The following PCDHA2 variants were observed in gnomAD, a reference collection of about 807,000 sequenced individuals.
PCDHA2 encodes protocadherin alpha-2.
PCDHA2 carries 58 observed loss-of-function variants against 66.0 expected under a neutral mutation model. The observed-to-expected ratio is 0.88, with a 90% CI of 0.71 to 1.09. PCDHA2 has a LOEUF of 1.09. Among genes scored for constraint, PCDHA2 ranks in the 50% least tolerant of loss-of-function variants. The pLI is 0.00. For synonymous variants in PCDHA2, 634 were observed against 554.0 expected, an observed-to-expected ratio of 1.14 and a Z score of -2.03; for missense variants, 1,267 against 1,242.3, an observed-to-expected ratio of 1.02 and a Z score of -0.30.
At chr5:140,979,244 T>C (rs1214932523) in intron 2 of PCDHA2, among the ~76,000 whole-genome samples, 1 of 152,224 alleles carries the variant, frequency 6.6e-6, no homozygotes, top group African/African-American at 2.4e-5. Context: ...AGAAACAGGC[T>C]GCTATGTATT....
At chr5:140,855,486 GTC>G (rs2150336982) in intron 1 of PCDHA2, among the ~76,000 whole-genome samples, 1 of 149,948 alleles carries the variant, frequency 6.7e-6, no homozygotes, top group South Asian at 2.1e-4. Context: ...TGACATTAGT[GTC>G]TAAATAAACC....
At position 140,796,302 on chromosome 5, in the gene PCDHA2, C is replaced by A. The variant is rs782602329; in HGVS notation, c.1338C>A (p.Ala446=). The change falls in exon 1 of 4, where the codon GCC becomes GCA. Residue 446 remains alanine (A), a synonymous_variant. Transcript: ENST00000526136. ...CCACCAGCGTGTCCATCGAGGTGGC[C>A]GACGTGAACGACAACGCGCCGGCGT... ...WATTSVSIEV[A]DVNDNAPAFA... 1 of 1,614,146 alleles carries A rather than the reference C, an allele frequency of 6.2e-7. No homozygotes were observed. The highest frequency in any genetic ancestry group is 1.7e-5 in the Admixed American group (1 of 60,032).
chr5:140,913,082 C>G (rs2076197049), intron 1 of PCDHA2, among the ~76,000 whole-genome samples: 1 of 152,108 alleles, frequency 6.6e-6, no homozygotes, highest in African/African-American at 2.4e-5. Context: ...TGTTTGGTAT[C>G]AGGATAATAC....
chr5:140,877,081 G>T (rs201590988), intron 1 of PCDHA2: 2 of 1,613,120 alleles, frequency 1.2e-6, no homozygotes, highest in Non-Finnish European at 1.7e-6. Flanking sequence ...CCAGGTGAGC[G>T]CGCGCGACGC....
At chr5:140,800,063 T>A (rs549802801) in intron 1 of PCDHA2, among the ~76,000 whole-genome samples, 15 of 152,220 alleles carry the variant, frequency 9.9e-5, no homozygotes, top group Middle Eastern at 6.8e-3. Flanking sequence ...TAACAACTTT[T>A]AAAAAAACTG....
rs1554150162 is a variant in PCDHA2 at position 140,857,521 on chromosome 5, C to T, written c.2388+60169C>T. 5 of 1,598,106 alleles carry T rather than the reference C, an allele frequency of 3.1e-6. 1 individual carries two copies. In the South Asian group the frequency reaches 4.4e-5, roughly 14 times the overall value. On this transcript the variant is annotated intron_variant, in intron 1 of 3. Coordinates refer to ENST00000526136, the MANE Select transcript of PCDHA2 (RefSeq NM_018905.3). Reference sequence around the variant, plus strand: ...CGCAGGAGAACGCCCTGGTGTCCTACTCTCTGGTGGAGCGGCGGTTGGGCG... The same window carrying T: ...CGCAGGAGAACGCCCTGGTGTCCTATTCTCTGGTGGAGCGGCGGTTGGGCG...
chr5:140,809,587 TC>T lies in PCDHA2; in HGVS notation c.2388+12237del, dbSNP rs782699419. The T allele has an allele frequency of 5.2e-6, 8 of 1,541,010 alleles. No homozygotes were observed. The African/African-American group carries it at 1.1e-4, about 21-fold the overall frequency. ...CCTTTGCAAAGGTTAGTGTATAACA[TC>T]CTTTTGTTTAATTTTCGTATTGTTT... On this transcript the variant is annotated intron_variant, in intron 1 of 3. Coordinates refer to ENST00000526136, the MANE Select transcript of PCDHA2 (RefSeq NM_018905.3).
Position 140,795,512 on chromosome 5 carries a change from A to G in PCDHA2, c.548A>G (p.Gln183Arg). ...AGTGAGTTTTTCTTCCTAGATATAC[A>G]GGCAAATGATGAACTAAGCGAATCT... ...SSSEFFFLDI[Q>R]ANDELSESLS... Residue 183 changes from glutamine (Q) to arginine (R), a missense_variant, in exon 1 of 4, where the codon CAG becomes CGG. Physicochemically the swap from Gln to Arg is conservative, Grantham distance 43 (BLOSUM62 1). Coordinates refer to ENST00000526136, the MANE Select transcript of PCDHA2 (RefSeq NM_018905.3). 1.2e-6 allele frequency: 2 copies of G among 1,614,212 alleles called. No homozygotes were observed. The highest frequency in any genetic ancestry group is 2.2e-5 in the East Asian group (1 of 44,880).
chr5:140,890,128 G>T (rs1402157838), intron 1 of PCDHA2, among the ~76,000 whole-genome samples: 2 of 152,156 alleles, frequency 1.3e-5, no homozygotes, highest in East Asian at 3.9e-4. Context: ...CACTTTGGTA[G>T]CTTGAAATTG....
intron 1 of PCDHA2, among the ~76,000 whole-genome samples, chr5:140,840,806 T>C (rs2150309377): frequency 1.9e-4 from 29 of 152,226 alleles, no homozygotes; most frequent in Non-Finnish European, 3.5e-4. Flanking sequence ...GAGTAATATA[T>C]ACCAGTGTTT....
chr5:140,915,517 G>T (rs982535213), intron 1 of PCDHA2, among the ~76,000 whole-genome samples: 17 of 152,066 alleles, frequency 1.1e-4, no homozygotes, highest in African/African-American at 4.1e-4. Flanking sequence ...TTGCAGACTA[G>T]TAGAGGTACC....
chr5:141,006,405 C>T (rs782532612), intron 3 of PCDHA2, among the ~76,000 whole-genome samples: 28 of 151,916 alleles, frequency 1.8e-4, no homozygotes, highest in Middle Eastern at 6.8e-3. Context: ...AGTAGAGACG[C>T]GGTTTCACTG....
intron 1 of PCDHA2, chr5:140,968,952 T>C: frequency 1.2e-6 from 2 of 1,614,192 alleles, no homozygotes; most frequent in Non-Finnish European, 1.7e-6. Context: ...TTGAGCATCA[T>C]CAAGTGCTAC....
In PCDHA2 at chr5:140,795,922, G is replaced by T; in HGVS notation, c.958G>T (p.Val320Phe). ...YEEAKSYEIQ[V>F]TATDKGTPSM... Reference sequence around the variant, plus strand: ...AGAAGCAAAGTCCTACGAGATTCAGGTCACTGCAACTGACAAAGGAACCCC... The same window carrying T: ...AGAAGCAAAGTCCTACGAGATTCAGTTCACTGCAACTGACAAAGGAACCCC... The change falls in exon 1 of 4, where the codon GTC becomes TTC. Residue 320 changes from valine (V) to phenylalanine (F), a missense_variant. Val to Phe is a conservative substitution (Grantham distance 50). Coordinates refer to ENST00000526136, the MANE Select transcript of PCDHA2 (RefSeq NM_018905.3). 1 of 1,613,924 alleles carries T rather than the reference G, an allele frequency of 6.2e-7. No individual in the cohort carries two copies. The highest frequency in any genetic ancestry group is 8.5e-7 in the Non-Finnish European group (1 of 1,179,922).
chr5:140,835,085 C>T (rs2150230592), intron 1 of PCDHA2: 2 of 1,227,056 alleles, frequency 1.6e-6, no homozygotes, highest in Admixed American at 2.4e-5. Context: ...CGGTACTGGA[C>T]AACAATGACA....
rs1351628380 is a variant in PCDHA2, at chr5:140,928,607, G to A, written c.2389-50342G>A. ...TCTGTCCCAGTGGAAATTGTGCCCC[G>A]CTCTGCCAGGACTGGACACTTGGTC... On this transcript the variant is annotated intron_variant, in intron 1 of 3. Coordinates refer to ENST00000526136, the MANE Select transcript of PCDHA2 (RefSeq NM_018905.3). 3.1e-6 allele frequency: 5 copies of A among 1,614,068 alleles called. No homozygotes were observed. In the South Asian group the frequency reaches 3.3e-5, roughly 11 times the overall value.
Position 140,882,752 on chromosome 5 carries a change from A to G in PCDHA2, c.2388+85400A>G, listed in dbSNP as rs1457424583. 4 of 1,614,130 alleles carry G rather than the reference A, an allele frequency of 2.5e-6. No individual in the cohort carries two copies. In the East Asian group the frequency reaches 8.9e-5, roughly 36 times the overall value. On this transcript the variant is annotated intron_variant, in intron 1 of 3. Coordinates refer to ENST00000526136, the MANE Select transcript of PCDHA2 (RefSeq NM_018905.3). Reference sequence around the variant, plus strand: ...ACTAGATGGCGCATCCGATGCAGATATTGGAGTAAACTCGGCATTGACCTA... The same window carrying G: ...ACTAGATGGCGCATCCGATGCAGATGTTGGAGTAAACTCGGCATTGACCTA...
chr5:141,002,918 GAACACCCTCC>G (rs1554258833), intron 3 of PCDHA2, among the ~76,000 whole-genome samples: 1 of 152,192 alleles, frequency 6.6e-6, no homozygotes, highest in Non-Finnish European at 1.5e-5. Flanking sequence ...TCAGAAAAGT[GAACACCCTCC>G]AACACCCTCC....
In PCDHA2 at chr5:140,843,362, A is replaced by C. The variant is rs2150191261; in HGVS notation, c.2388+46010A>C. On this transcript the variant is annotated intron_variant, in intron 1 of 3. Transcript: ENST00000526136. ...CGGCCAGGCTCCAAAAGCGTCATCG[A>C]GGCAGTCGGCTGGCGTTTTGGGTCC... 3 of 1,595,998 alleles carry C rather than the reference A, an allele frequency of 1.9e-6. No homozygotes were observed. The East Asian group carries it at 6.7e-5, about 36-fold the overall frequency.
Sources: gnomAD v4.1 joint callset for allele counts (sites outside exome capture counted in the v4.1 genomes callset) on GRCh38, gnomAD v4.1.1 for gene constraint, MANE v1.5 for transcripts, NCBI Gene and HGNC (gene_info 2026-07-23, HGNC 2026-07-21) for gene names.